KCNJ13: variants seen among roughly 807,000 people sequenced by gnomAD.
The protein encoded by KCNJ13 is inward rectifier potassium channel 13.
In KCNJ13, 9 loss-of-function variants were observed where a neutral mutation model predicts 24.6. The ratio of observed to expected loss-of-function variants is 0.37; its 90% CI spans 0.22 to 0.64. KCNJ13 has a LOEUF of 0.64. Ranked by LOEUF, KCNJ13 falls within the 30% of genes least tolerant of loss-of-function variation. KCNJ13 has a pLI of 0.64. For synonymous variants in KCNJ13, 148 were observed against 154.7 expected, an observed-to-expected ratio of 0.96 and a Z score of 0.32; for missense variants, 337 against 443.8, an observed-to-expected ratio of 0.76 and a Z score of 2.16.
intron 1 of KCNJ13, among the ~76,000 whole-genome samples, chr2:232,774,856 AGAGCC>A (rs1699444888): frequency 6.6e-6 from 1 of 152,202 alleles, no homozygotes; most frequent in Admixed American, 6.5e-5. Context: ...TTCCTTACTT[AGAGCC>A]TTTCTGTATA....
chr2:232,773,371 A>G (rs1329639754), intron 1 of KCNJ13, among the ~76,000 whole-genome samples: 1 of 152,180 alleles, frequency 6.6e-6, no homozygotes, highest in Non-Finnish European at 1.5e-5. Flanking sequence ...AGATGAAGTC[A>G]CTGGTGCTCA....
chr2:232,774,099 T>C (rs1046591473), intron 1 of KCNJ13, among the ~76,000 whole-genome samples: 5 of 149,300 alleles, frequency 3.3e-5, no homozygotes, highest in Non-Finnish European at 7.4e-5. Flanking sequence ...CTGGCCAACA[T>C]AGCGAGACCC....
At chr2:232,773,071 C>T (rs1340560257) in intron 1 of KCNJ13, among the ~76,000 whole-genome samples, 2 of 151,830 alleles carry the variant, frequency 1.3e-5, no homozygotes, top group Admixed American at 6.6e-5. Flanking sequence ...GGTTAGATGG[C>T]GATTTCAGTT....
chr2:232,772,690 G>A (rs540931161), intron 1 of KCNJ13, among the ~76,000 whole-genome samples: 5 of 152,300 alleles, frequency 3.3e-5, no homozygotes, highest in East Asian at 3.9e-4. Context: ...CCTTGAGTGA[G>A]CCTCTCTTGT....
At chr2:232,772,351 G>A (rs904326281) in intron 1 of KCNJ13, among the ~76,000 whole-genome samples, 1 of 152,166 alleles carries the variant, frequency 6.6e-6, no homozygotes, top group African/African-American at 2.4e-5. Context: ...GGTAGAAAGA[G>A]AATTGTTTCT....
intron 1 of KCNJ13, among the ~76,000 whole-genome samples, chr2:232,776,026 ACTTTCTT>A (rs1329924188): frequency 6.6e-6 from 1 of 152,174 alleles, no homozygotes; most frequent in Non-Finnish European, 1.5e-5. Flanking sequence ...GATACTCATC[ACTTTCTT>A]CTTAGATTAC....
chr2:232,771,264 G>T lies in KCNJ13; in HGVS notation c.99C>A (p.Gly33=), dbSNP rs1026757774. The T allele has an allele frequency of 6.2e-7, 1 of 1,608,082 alleles. No homozygotes were observed. ...KDGHSTLQMD[G]AQRGLAYLRD... ...GAAGATATGCAAGACCTCTTTGAGC[G>T]CCATCCATTTGAAGTGTGCTGTGGC... is the stretch of plus-strand genomic sequence containing the variant. Residue 33 remains glycine (G), a synonymous_variant, in exon 2 of 3, where the codon GGC becomes GGA. Coordinates refer to ENST00000233826, the MANE Select transcript of KCNJ13 (RefSeq NM_002242.4).
rs186922943 is a variant in KCNJ13 at position 232,765,920 on chromosome 2, C to T, written c.*2271G>A. The T allele has an allele frequency of 3.5e-5, 16 of 451,030 alleles. No homozygotes were observed. Among genetic ancestry groups the T allele is most frequent in the East Asian group, 2.2e-4 (3 of 13,690 alleles). The allele number at this position is 451,030 out of a possible 1,614,324, so 27.9% of individuals were successfully genotyped here. ...CCAAAGGAACGTTTAAAGTTAGTTC[C>T]GAAGTAGTCTTCCTGATCATGTGTG... On this transcript the variant is annotated 3_prime_UTR_variant, in exon 3 of 3. Coordinates refer to ENST00000233826, the MANE Select transcript of KCNJ13 (RefSeq NM_002242.4).
In KCNJ13 at chr2:232,768,562, T is replaced by A. The variant is rs764204353; in HGVS notation, c.712A>T (p.Ile238Phe). ...GAGTGATAGTACGTTAGTGGAAAGA[T>A]GAAGAATGGACATTCGTCAGAACTG... ...GISSDECPFF[I>F]FPLTYYHSIT... The change falls in exon 3 of 3, where the codon ATC (isoleucine) becomes TTC (phenylalanine). Residue 238 changes from isoleucine (I) to phenylalanine (F), a missense_variant. By Grantham distance (21) the Ile-to-Phe change is conservative (BLOSUM62 0). This residue lies in a region of KCNJ13 where 235 missense variants were observed against 286.9 expected (regional missense o/e 0.82). Coordinates refer to ENST00000233826, the MANE Select transcript of KCNJ13 (RefSeq NM_002242.4). The A allele has an allele frequency of 6.2e-7, 1 of 1,614,168 alleles. No homozygotes were observed. Among genetic ancestry groups the A allele is most frequent in the South Asian group, 1.1e-5 (1 of 91,084 alleles).
chr2:232,776,558 C>A lies in KCNJ13; in HGVS notation c.-130G>T. ...ACAAGTCTAGTTTGTAGGTTCTCTT[C>A]TTGGACTGGTTTTACAGCTTACATT... On this transcript the variant is annotated 5_prime_UTR_variant, in exon 1 of 3. Transcript: ENST00000233826. The A allele has an allele frequency of 1.2e-6, 1 of 812,208 alleles. No individual in the cohort carries two copies. Among genetic ancestry groups the A allele is most frequent in the South Asian group, 1.4e-5 (1 of 69,142 alleles). 50.3% of individuals were successfully genotyped at this position (812,208 alleles called of 1,614,324 possible). A position where few individuals can be genotyped will look rare whatever the true frequency, so the allele number is the denominator to read the frequency against.
rs886055796 is a variant in KCNJ13 at position 232,768,653 on chromosome 2, T to C, written c.621A>G (p.Val207=). 4 of 1,613,938 alleles carry C rather than the reference T, an allele frequency of 2.5e-6. No homozygotes were observed. The highest frequency in any genetic ancestry group is 1.3e-5 in the African/African-American group (1 of 74,994). ...SPLTSVRVSA[V]LYQERENGKL... is the part of the protein sequence containing the mutation. ...TGCCATTTTCTCTTTCCTGATAGAG[T>C]ACAGCTGAGACCCGGACACTGGTTA... is the stretch of plus-strand genomic sequence containing the variant. The change falls in exon 3 of 3, where the codon GTA becomes GTG. Residue 207 remains valine, a synonymous_variant. Transcript: ENST00000233826.
intron 2 of KCNJ13, among the ~76,000 whole-genome samples, chr2:232,770,351 C>A (rs1699183526): frequency 2.0e-5 from 3 of 152,240 alleles, no homozygotes; most frequent in African/African-American, 7.2e-5. Flanking sequence ...GACATATTTC[C>A]AGTGCATTTT....
chr2:232,768,047 C>T lies in KCNJ13; in HGVS notation c.*144G>A. 1.3e-6 allele frequency: 1 copy of T among 752,744 alleles called. No individual in the cohort carries two copies. Among genetic ancestry groups the T allele is most frequent in the Non-Finnish European group, 2.2e-6 (1 of 455,906 alleles). The allele number at this position is 752,744 out of a possible 1,614,324, so 46.6% of individuals were successfully genotyped here. A position where few individuals can be genotyped will look rare whatever the true frequency, so the allele number is the denominator to read the frequency against. ...TCCAGAATGTGTATTGTTAGCTCAG[C>T]CATTCTTATGTAGGCATAGGCATGA... is the stretch of plus-strand genomic sequence containing the variant. On this transcript the variant is annotated 3_prime_UTR_variant, in exon 3 of 3. Coordinates refer to ENST00000233826, the MANE Select transcript of KCNJ13 (RefSeq NM_002242.4).
rs2106334665 is a variant in KCNJ13, at chr2:232,768,341, A to G, written c.933T>C (p.Tyr311=). The change falls in exon 3 of 3, where the codon TAT becomes TAC. Residue 311 remains tyrosine, a synonymous_variant. Coordinates refer to ENST00000233826, the MANE Select transcript of KCNJ13 (RefSeq NM_002242.4). ...TGTCAAAATTCTCCATCTTGATTTG[A>G]TATTCACCTTTGGAACCTCGGGTCA... is the stretch of plus-strand genomic sequence containing the variant. ...SLLTRGSKGE[Y]QIKMENFDKT... 1 of 1,614,170 alleles carries G rather than the reference A, an allele frequency of 6.2e-7. No homozygotes were observed. Among genetic ancestry groups the G allele is most frequent in the East Asian group, 2.2e-5 (1 of 44,878 alleles).
intron 1 of KCNJ13, 30 bp from the exon 2 acceptor site, chr2:232,771,408 TAACTGTTTTATAGTTA>T (rs1443508369): frequency 7.2e-7 from 1 of 1,389,174 alleles, no homozygotes; most frequent in Non-Finnish European, 1.0e-6. Context: ...AGTAAGCTCT[TAACTGTTTTATAGTTA>T]ATGTTTGTGA....
chr2:232,766,016 A>G lies in KCNJ13; in HGVS notation c.*2175T>C, dbSNP rs924216122. On this transcript the variant is annotated 3_prime_UTR_variant, in exon 3 of 3. Coordinates refer to ENST00000233826, the MANE Select transcript of KCNJ13 (RefSeq NM_002242.4). ...GCACATCCAGAAAGGCAGAGCAGCC[A>G]TTCCTCCCTCCCAGTAATTTCCGCC... 2.1e-6 allele frequency: 1 copy of G among 470,970 alleles called. No homozygotes were observed. The highest frequency in any genetic ancestry group is 2.0e-5 in the African/African-American group (1 of 50,076). The allele number at this position is 470,970 out of a possible 1,614,324, so 29.2% of individuals were successfully genotyped here.
At chr2:232,773,910 TAAAAA>T (rs61323973) in intron 1 of KCNJ13, among the ~76,000 whole-genome samples, 1 of 112,802 alleles carries the variant, frequency 8.9e-6, no homozygotes, top group African/African-American at 3.2e-5. Flanking sequence ...TGTCTCTATT[TAAAAA>T]AAAAAAAAAA....
In KCNJ13 at chr2:232,771,004, A is replaced by G. The variant is rs786205550; in HGVS notation, c.359T>C (p.Ile120Thr). 1 of 1,614,012 alleles carries G rather than the reference A, an allele frequency of 6.2e-7. No homozygotes were observed. The change falls in exon 2 of 3, where the codon ATT (isoleucine) becomes ACT (threonine). Residue 120 changes from isoleucine to threonine, a missense_variant. Ile to Thr is a moderately conservative substitution (Grantham distance 89). Transcript: ENST00000233826. ...FSFSLETQLT[I>T]GYGTMFPSGD... ...ACTGGGGAACATGGTACCATAACCA[A>G]TTGTGAGTTGTGTCTCCAGGGAGAA...
intron 2 of KCNJ13, among the ~76,000 whole-genome samples, chr2:232,769,151 T>A (rs1699110347): frequency 6.6e-6 from 1 of 152,166 alleles, no homozygotes; most frequent in Non-Finnish European, 1.5e-5. Context: ...AGAAAATAAA[T>A]GCAACTTGGC....
Sources: gnomAD v4.1 joint callset for allele counts (sites outside exome capture counted in the v4.1 genomes callset) on GRCh38, gnomAD v4.1.1 for gene constraint, gnomAD v4.1.1 regional missense constraint, MANE v1.5 for transcripts, NCBI Gene and HGNC (gene_info 2026-07-23, HGNC 2026-07-21) for gene names.